TRAPPC10: variants seen among roughly 807,000 people sequenced by gnomAD.
TRAPPC10 encodes the protein TRAPP 130 kDa subunit.
Under a neutral mutation model 125.5 loss-of-function variants are expected in TRAPPC10, and 23 were observed. That is an observed-to-expected ratio of 0.18 (90% CI 0.13 to 0.26). The LOEUF is 0.26. Among genes scored for constraint, TRAPPC10 ranks in the 10% least tolerant of loss-of-function variants. TRAPPC10 has a pLI of 1.00. For missense variants in TRAPPC10, 1,123 were observed against 1,308.4 expected (o/e 0.86, Z 2.19); for synonymous variants, 509 against 518.0 (o/e 0.98, Z 0.24).
In TRAPPC10 at chr21:44,037,019, C is replaced by T. The variant is rs961656053; in HGVS notation, c.150-773C>T. On this transcript the variant is annotated intron_variant, in intron 2 of 22. Transcript: ENST00000291574. ...CAAGTAGAAAATGTACATATTTAAGCATCAGCATAGTCCCATTCATGATGG... is the reference window on the plus strand; with the variant it reads ...CAAGTAGAAAATGTACATATTTAAGTATCAGCATAGTCCCATTCATGATGG... Among the ~76,000 whole-genome samples, 6 of 152,158 alleles carry T rather than the reference C, an allele frequency of 3.9e-5. No individual in the cohort carries two copies. In the East Asian group the frequency reaches 7.7e-4, roughly 19 times the overall value.
intron 7 of TRAPPC10, among the ~76,000 whole-genome samples, chr21:44,069,445 T>G (rs1487044396): frequency 2.6e-5 from 4 of 152,158 alleles, no homozygotes; most frequent in Non-Finnish European, 5.9e-5. Flanking sequence ...ACTGAAGCCA[T>G]TATTAATGAA....
intron 4 of TRAPPC10, among the ~76,000 whole-genome samples, chr21:44,055,332 ATAAT>A (rs1401105237): frequency 6.6e-6 from 1 of 152,042 alleles, no homozygotes; most frequent in Admixed American, 6.6e-5. Flanking sequence ...GCTTATGCCT[ATAAT>A]CCCAGCACTT....
chr21:44,064,094 G>C (rs967581746), intron 7 of TRAPPC10, among the ~76,000 whole-genome samples: 6 of 152,178 alleles, frequency 3.9e-5, no homozygotes, highest in African/African-American at 1.4e-4. Flanking sequence ...ACGGGGAAGA[G>C]TCACTCACCT....
intron 1 of TRAPPC10, among the ~76,000 whole-genome samples, chr21:44,020,507 G>GCA: frequency 7.0e-6 from 1 of 142,140 alleles, no homozygotes. Flanking sequence ...ATGGTGGTGC[G>GCA]TGCTTCTAGT....
chr21:44,036,655 T>C (rs2034006082), intron 2 of TRAPPC10, among the ~76,000 whole-genome samples: 1 of 152,202 alleles, frequency 6.6e-6, no homozygotes, highest in African/African-American at 2.4e-5. Flanking sequence ...CTCTGAGTAA[T>C]TAAAGGATGT....
At chr21:44,066,482 G>A (rs372412030) in intron 7 of TRAPPC10, among the ~76,000 whole-genome samples, 5 of 152,198 alleles carry the variant, frequency 3.3e-5, no homozygotes, top group African/African-American at 1.2e-4. Context: ...CCAGTTCTGC[G>A]TGAGTTCAGG....
chr21:44,085,566 A>G (rs375969558), intron 15 of TRAPPC10, among the ~76,000 whole-genome samples: 3 of 152,120 alleles, frequency 2.0e-5, no homozygotes, highest in Non-Finnish European at 4.4e-5. Context: ...GTCGTGCGCC[A>G]CGGCCTCTAG....
intron 2 of TRAPPC10, among the ~76,000 whole-genome samples, chr21:44,036,675 C>T (rs539169351): frequency 1.3e-4 from 20 of 152,222 alleles, no homozygotes; most frequent in African/African-American, 4.1e-4. Flanking sequence ...TATCCCAATA[C>T]GAAGGCAGAT....
chr21:44,086,866 A>C lies in TRAPPC10; in HGVS notation c.2445A>C (p.Ile815=). The C allele has an allele frequency of 1.2e-6, 2 of 1,614,172 alleles. No individual in the cohort carries two copies. The highest frequency in any genetic ancestry group is 1.7e-6 in the Non-Finnish European group (2 of 1,180,036). ...CTGTCACTACCGGCCATTATACGAT[A>C]AAGAATGGAGACAGCCTGCAGCTTA... is the stretch of plus-strand genomic sequence containing the variant. ...KFTVTTGHYT[I]KNGDSLQLSN... The change falls in exon 16 of 23, where the codon ATA becomes ATC. Residue 815 remains isoleucine (I), a synonymous_variant. Transcript: ENST00000291574.
At chr21:44,038,910 C>T (rs55708763) in intron 3 of TRAPPC10, among the ~76,000 whole-genome samples, 4,597 of 152,254 alleles carry the variant, frequency 0.03, 210 homozygotes, top group African/African-American at 0.1. Flanking sequence ...AGGAGATTTC[C>T]ACCGGGGAAG....
intron 2 of TRAPPC10, among the ~76,000 whole-genome samples, chr21:44,034,103 C>T (rs1233533454): frequency 6.6e-6 from 1 of 152,082 alleles, no homozygotes; most frequent in Non-Finnish European, 1.5e-5. Context: ...GAAAGAGAAA[C>T]AGGTGGAGGA....
At chr21:44,067,975 C>T (rs1182644778) in intron 7 of TRAPPC10, among the ~76,000 whole-genome samples, 1 of 151,998 alleles carries the variant, frequency 6.6e-6, no homozygotes, top group East Asian at 1.9e-4. Flanking sequence ...CAAAAATTAG[C>T]TGGGCGTGAT....
rs567051626 is a variant in TRAPPC10, at chr21:44,023,326, C to T, written c.68-8765C>T. On this transcript the variant is annotated intron_variant, in intron 1 of 22. Coordinates refer to ENST00000291574, the MANE Select transcript of TRAPPC10 (RefSeq NM_003274.5). ...CTGGGATTACAGATGTGAGCCACCG[C>T]GCCCGGCCTATGTAACCATTTTCAA... 4.7e-4 allele frequency among the ~76,000 whole-genome samples: 72 copies of T among 152,198 alleles called. No individual in the cohort carries two copies. The South Asian group carries it at 4.8e-3, about 10-fold the overall frequency.
chr21:44,019,688 G>A (rs2032278245), intron 1 of TRAPPC10, among the ~76,000 whole-genome samples: 1 of 152,094 alleles, frequency 6.6e-6, no homozygotes, highest in South Asian at 2.1e-4. Context: ...ACTTAATTAA[G>A]TCTACAAAGA....
intron 5 of TRAPPC10, 45 bp downstream of exon 5, chr21:44,055,938 C>T: frequency 1.4e-6 from 2 of 1,453,266 alleles, no homozygotes; most frequent in Admixed American, 1.8e-5. Flanking sequence ...CTCTCCTTCC[C>T]TCCTTTGTTC....
chr21:44,068,511 G>GGGCAGAGAGA (rs769430708), intron 7 of TRAPPC10, among the ~76,000 whole-genome samples: 2 of 152,140 alleles, frequency 1.3e-5, no homozygotes, highest in South Asian at 4.1e-4. Flanking sequence ...GTGAGGCAGA[G>GGGCAGAGAGA]GGCAGAGAGA....
At chr21:44,026,874 G>C (rs755766664) in intron 1 of TRAPPC10, among the ~76,000 whole-genome samples, 16 of 152,060 alleles carry the variant, frequency 1.1e-4, no homozygotes, top group Admixed American at 9.2e-4. Context: ...GTCTTCTCTC[G>C]TAGGCCACAG....
At chr21:44,071,961 T>A (rs2036900430) in intron 7 of TRAPPC10, among the ~76,000 whole-genome samples, 1 of 152,194 alleles carries the variant, frequency 6.6e-6, no homozygotes, top group Non-Finnish European at 1.5e-5. Flanking sequence ...CTCTCCCACC[T>A]CCTTCAGGAT....
rs2038454309 is a variant in TRAPPC10 at position 44,089,869 on chromosome 21, G to A, written c.2806G>A (p.Val936Ile). The A allele has an allele frequency of 1.9e-6, 3 of 1,613,960 alleles. No homozygotes were observed. The highest frequency in any genetic ancestry group is 1.3e-5 in the African/African-American group (1 of 75,016). Residue 936 changes from valine to isoleucine, a missense_variant, in exon 18 of 23, where the codon GTC (valine) becomes ATC (isoleucine). By Grantham distance (29) the Val-to-Ile change is conservative. Transcript: ENST00000291574. ...IDCPWSIYST[V>I]IALTFSVPFR... Reference sequence around the variant, plus strand: ...CTGCCCGTGGTCCATCTACTCCACAGTCATCGCACTGACCTTCAGCGTACC... The same window carrying A: ...CTGCCCGTGGTCCATCTACTCCACAATCATCGCACTGACCTTCAGCGTACC...
Sources: allele counts gnomAD v4.1 joint callset (sites outside exome capture counted in the v4.1 genomes callset), GRCh38; gene constraint gnomAD v4.1.1; transcripts MANE v1.5; gene names NCBI Gene and HGNC (gene_info 2026-07-23, HGNC 2026-07-21).